Variants in MAGEL2 observed in about 807,000 individuals in gnomAD.
MAGEL2 encodes MAGE-like protein 2.
For synonymous variants in MAGEL2, 792 were observed against 721.7 expected, an observed-to-expected ratio of 1.10 and a Z score of -1.56; for missense variants, 1,830 against 1,699.2, an observed-to-expected ratio of 1.08 and a Z score of -1.35.
In MAGEL2 at chr15:23,647,006, C is replaced by A; in HGVS notation, c.737G>T (p.Gly246Val). The part of the protein sequence containing the change: ...GVLMAQPLTP[G>V]VLMVQPAAPG... Reference sequence around the variant, plus strand: ...AGCAGCAGGCTGGACCATCAGGACTCCCGGAGTCAGAGGCTGGGCCATCAG... The same window carrying A: ...AGCAGCAGGCTGGACCATCAGGACTACCGGAGTCAGAGGCTGGGCCATCAG... Residue 246 changes from glycine to valine, a missense_variant, in exon 1 of 1, where the codon GGA becomes GTA. Transcript: ENST00000650528. The A allele has an allele frequency of 1.3e-6, 2 of 1,536,774 alleles. No individual in the cohort carries two copies. Among genetic ancestry groups the A allele is most frequent in the South Asian group, 1.2e-5 (1 of 84,036 alleles).
rs1340038294 is a variant in MAGEL2, at chr15:23,645,161, G to A, written c.2582C>T (p.Ala861Val). ...TTGAGTGGTGGCAGTTGCCTGGGGGGCAGCTGCTGTAGCCATCAGGAAGGT... is the reference window on the plus strand; with the variant it reads ...TTGAGTGGTGGCAGTTGCCTGGGGGACAGCTGCTGTAGCCATCAGGAAGGT... ...VPTFLMATAAAPQATATTQEA... is the reference protein window; with the variant it reads ...VPTFLMATAAVPQATATTQEA... Residue 861 changes from alanine (A) to valine (V), a missense_variant, in exon 1 of 1, where the codon GCC becomes GTC. By Grantham distance (64) the Ala-to-Val change is moderately conservative. Transcript: ENST00000650528. 1.7e-5 allele frequency: 28 copies of A among 1,613,710 alleles called. No individual in the cohort carries two copies. Among genetic ancestry groups the A allele is most frequent in the Admixed American group, 6.7e-5 (4 of 60,014 alleles).
Position 23,647,767 on chromosome 15 carries a change from T to C in MAGEL2, c.-25A>G, listed in dbSNP as rs1002437939. 7.0e-7 allele frequency: 1 copy of C among 1,435,612 alleles called. No individual in the cohort carries two copies. The highest frequency in any genetic ancestry group is 1.5e-5 in the South Asian group (1 of 66,674). 88.9% of individuals were successfully genotyped at this position (1,435,612 alleles called of 1,614,324 possible). On this transcript the variant is annotated 5_prime_UTR_variant, in exon 1 of 1. Transcript: ENST00000650528. ...TGTCCCTTTGCTGACAGCTGGTGGG[T>C]CTTTTCCTCGGACAGCTGCTGGGCC...
chr15:23,645,404 G>A lies in MAGEL2; in HGVS notation c.2339C>T (p.Pro780Leu), dbSNP rs747205153. 8.1e-6 allele frequency: 13 copies of A among 1,613,904 alleles called. No homozygotes were observed. The highest frequency in any genetic ancestry group is 4.4e-5 in the South Asian group (4 of 91,092). ...ACTTGAGGAGGGAGCAAAGGTCTCC[G>A]GTGTGGCAGGCAGGTTTTTCCAGGC... Reference protein sequence around the residue: ...PAAWKNLPATPETFAPSSSVF... With the variant: ...PAAWKNLPATLETFAPSSSVF... Residue 780 changes from proline (P) to leucine (L), a missense_variant, in exon 1 of 1, where the codon CCG (proline) becomes CTG (leucine). By Grantham distance (98) the Pro-to-Leu change is moderately conservative. Coordinates refer to ENST00000650528, the MANE Select transcript of MAGEL2 (RefSeq NM_019066.5).
At position 23,645,900 on chromosome 15, in the gene MAGEL2, G is replaced by A; in HGVS notation, c.1843C>T (p.Leu615=). ...GGGGCCTTCTGGGCCTGCCAGGCCA[G>A]CGCCTGTGTCTGCTGCACCTCCTGG... ...EFQEVQQTQA[L]AWQAQKAPTH... Residue 615 remains leucine, a synonymous_variant, in exon 1 of 1, where the codon CTG becomes TTG. Transcript: ENST00000650528. 1.3e-6 allele frequency: 2 copies of A among 1,574,140 alleles called. No homozygotes were observed. Among genetic ancestry groups the A allele is most frequent in the Non-Finnish European group, 1.7e-6 (2 of 1,159,786 alleles).
At position 23,647,480 on chromosome 15, in the gene MAGEL2, G is replaced by A. The variant is rs780815292; in HGVS notation, c.263C>T (p.Pro88Leu). Residue 88 changes from proline (P) to leucine (L), a missense_variant, in exon 1 of 1, where the codon CCG becomes CTG. Pro to Leu is a moderately conservative substitution (Grantham distance 98). Transcript: ENST00000650528. Reference sequence around the variant, plus strand: ...CCCCAGCGGGGGAGCCGGGACTATCGGGCCCCCTAGGGCAGGAGGCTGGGT... The same window carrying A: ...CCCCAGCGGGGGAGCCGGGACTATCAGGCCCCCTAGGGCAGGAGGCTGGGT... ...PMTQPPALGG[P>L]IVPAPPLGGP... 298 of 1,531,370 alleles carry A rather than the reference G, an allele frequency of 1.9e-4. No homozygotes were observed. The highest frequency in any genetic ancestry group is 2.4e-4 in the Non-Finnish European group (278 of 1,144,648). The allele number at this position is 1,531,370 out of a possible 1,614,324, so 94.9% of individuals were successfully genotyped here. A position where few individuals can be genotyped will look rare whatever the true frequency, so the allele number is the denominator to read the frequency against.
In MAGEL2 at chr15:23,645,339, T is replaced by C. The variant is rs749788986; in HGVS notation, c.2404A>G (p.Asn802Asp). 5 of 1,613,946 alleles carry C rather than the reference T, an allele frequency of 3.1e-6. No homozygotes were observed. The African/African-American group carries it at 6.7e-5, about 22-fold the overall frequency. Residue 802 changes from asparagine (N) to aspartate (D), a missense_variant, in exon 1 of 1, where the codon AAT (asparagine) becomes GAT (aspartate). Coordinates refer to ENST00000650528, the MANE Select transcript of MAGEL2 (RefSeq NM_019066.5). Reference sequence around the variant, plus strand: ...GCAGCAGAGGGGCCTTTAAAGGCATTCAGAGAGGCAGGCTGAAACTGGGAG... The same window carrying C: ...GCAGCAGAGGGGCCTTTAAAGGCATCCAGAGAGGCAGGCTGAAACTGGGAG... ...ATSQFQPASL[N>D]AFKGPSAASE...
Position 23,645,536 on chromosome 15 carries a change from C to T in MAGEL2, c.2207G>A (p.Arg736Lys), listed in dbSNP as rs1253546558. Reference protein sequence around the residue: ...IDRRGSSKERRTSSKERRAPS... With the variant: ...IDRRGSSKERKTSSKERRAPS... Reference sequence around the variant, plus strand: ...GGCCCTGCGCTCCTTCGAGGAGGTCCTGCGCTCTTTAGAGGAGCCCCTGCG... The same window carrying T: ...GGCCCTGCGCTCCTTCGAGGAGGTCTTGCGCTCTTTAGAGGAGCCCCTGCG... The change falls in exon 1 of 1, where the codon AGG becomes AAG. Residue 736 changes from arginine (R) to lysine (K), a missense_variant. Arg to Lys is a conservative substitution (Grantham distance 26). Coordinates refer to ENST00000650528, the MANE Select transcript of MAGEL2 (RefSeq NM_019066.5). 2 of 1,613,746 alleles carry T rather than the reference C, an allele frequency of 1.2e-6. No homozygotes were observed. The highest frequency in any genetic ancestry group is 1.7e-6 in the Non-Finnish European group (2 of 1,179,784).
rs749451613 is a variant in MAGEL2, at chr15:23,644,805, C to A, written c.2938G>T (p.Gly980Cys). 1.2e-6 allele frequency: 2 copies of A among 1,613,212 alleles called. No homozygotes were observed. Among genetic ancestry groups the A allele is most frequent in the Non-Finnish European group, 1.7e-6 (2 of 1,179,788 alleles). The change falls in exon 1 of 1, where the codon GGT becomes TGT. Residue 980 changes from glycine (G) to cysteine (C), a missense_variant. Gly to Cys is a radical substitution (Grantham distance 159, BLOSUM62 -3). Coordinates refer to ENST00000650528, the MANE Select transcript of MAGEL2 (RefSeq NM_019066.5). The part of the protein sequence containing the change: ...WEGPSTSRAL[G>C]LSESPGSSLP... ...GAGCTCCCTGGGCTTTCAGAGAGACCCAGGGCCCTGGAGGTGCTCGGGCCC... is the reference window on the plus strand; with the variant it reads ...GAGCTCCCTGGGCTTTCAGAGAGACACAGGGCCCTGGAGGTGCTCGGGCCC...
At position 23,645,672 on chromosome 15, in the gene MAGEL2, C is replaced by T. The variant is rs1290951496; in HGVS notation, c.2071G>A (p.Ala691Thr). 2 of 1,564,236 alleles carry T rather than the reference C, an allele frequency of 1.3e-6. No individual in the cohort carries two copies. The highest frequency in any genetic ancestry group is 2.4e-5 in the South Asian group (2 of 81,778). The stretch of plus-strand genomic sequence containing the variant: ...GGTCCGGGCTGGGCCTGCAAGACTG[C>T]AGGCGGTGCCTGCCAGGAAGGCTGG... ...PLQPSWQAPP[A>T]VLQAQPGPPV... The change falls in exon 1 of 1, where the codon GCA becomes ACA. Residue 691 changes from alanine to threonine, a missense_variant. Ala to Thr is a moderately conservative substitution (Grantham distance 58). Transcript: ENST00000650528.
rs1005878551 is a variant in MAGEL2, at chr15:23,645,719, G to A, written c.2024C>T (p.Ala675Val). Residue 675 changes from alanine (A) to valine (V), a missense_variant, in exon 1 of 1, where the codon GCG becomes GTG. Coordinates refer to ENST00000650528, the MANE Select transcript of MAGEL2 (RefSeq NM_019066.5). ...CTGGAGCGGCAGTGTGGGCACCTCC[G>A]CTTGCGGACCCGATGCCTGGGCCTG... ...PQQAQASGPQ[A>V]EVPTLPLQPS... 3 of 1,562,216 alleles carry A rather than the reference G, an allele frequency of 1.9e-6. No individual in the cohort carries two copies. Among genetic ancestry groups the A allele is most frequent in the Non-Finnish European group, 8.6e-7 (1 of 1,156,226 alleles).
chr15:23,645,038 G>C lies in MAGEL2; in HGVS notation c.2705C>G (p.Thr902Arg), dbSNP rs373945272. Residue 902 changes from threonine (T) to arginine (R), a missense_variant, in exon 1 of 1, where the codon ACG (threonine) becomes AGG (arginine). Physicochemically the swap from Thr to Arg is moderately conservative, Grantham distance 71. Coordinates refer to ENST00000650528, the MANE Select transcript of MAGEL2 (RefSeq NM_019066.5). The stretch of plus-strand genomic sequence containing the variant: ...GCCCTGCCAGTCATGAAAGGCTAGC[G>C]TGTGGCCACGGCTGTCCTCTTGGGC... ...LEAQEDSRGHTLAFHDWQGPR... is the reference protein window; with the variant it reads ...LEAQEDSRGHRLAFHDWQGPR... 7 of 1,613,850 alleles carry C rather than the reference G, an allele frequency of 4.3e-6. No homozygotes were observed. The highest frequency in any genetic ancestry group is 1.3e-5 in the African/African-American group (1 of 74,952).
rs1595333580 is a variant in MAGEL2, at chr15:23,646,908, C to T, written c.835G>A (p.Ala279Thr). 3 of 1,537,044 alleles carry T rather than the reference C, an allele frequency of 2.0e-6. No individual in the cohort carries two copies. The highest frequency in any genetic ancestry group is 1.7e-4 in the Middle Eastern group (1 of 5,990). ...TQPQPSGAPM[A>T]KPPGPGVLMI... ...AGGACTCCTGGACCTGGAGGCTTGGCCATCGGTGCTCCTGAAGGCTGAGGC... is the reference window on the plus strand; with the variant it reads ...AGGACTCCTGGACCTGGAGGCTTGGTCATCGGTGCTCCTGAAGGCTGAGGC... The change falls in exon 1 of 1, where the codon GCC becomes ACC. Residue 279 changes from alanine to threonine, a missense_variant. Physicochemically the swap from Ala to Thr is moderately conservative, Grantham distance 58. Coordinates refer to ENST00000650528, the MANE Select transcript of MAGEL2 (RefSeq NM_019066.5). The surrounding 1 kb of genome is among the most constrained non-coding windows in gnomAD (Gnocchi z 4.2).
chr15:23,645,634 C>T lies in MAGEL2; in HGVS notation c.2109G>A (p.Ala703=), dbSNP rs1267408692. Residue 703 remains alanine (A), a synonymous_variant, in exon 1 of 1, where the codon GCG becomes GCA. Transcript: ENST00000650528. ...TAGCGGAGCCCAGGGGAAAATTTGC[C>T]GCTGCTACCGGGGGTCCGGGCTGGG... ...LQAQPGPPVA[A]ANFPLGSAKS... The T allele has an allele frequency of 6.3e-7, 1 of 1,587,766 alleles. No homozygotes were observed. Among genetic ancestry groups the T allele is most frequent in the East Asian group, 2.2e-5 (1 of 44,494 alleles).
rs201935129 is a variant in MAGEL2, at chr15:23,645,752, G to A, written c.1991C>T (p.Pro664Leu). The A allele has an allele frequency of 4.9e-5, 77 of 1,575,992 alleles. No homozygotes were observed. The African/African-American group carries it at 8.1e-4, about 17-fold the overall frequency. Residue 664 changes from proline to leucine, a missense_variant, in exon 1 of 1, where the codon CCC (proline) becomes CTC (leucine). Pro to Leu is a moderately conservative substitution (Grantham distance 98). Transcript: ENST00000650528. Reference sequence around the variant, plus strand: ...ACCCGATGCCTGGGCCTGCTGGGGGGGTAGCTGGATTTGCACGGCTTTTTG... The same window carrying A: ...ACCCGATGCCTGGGCCTGCTGGGGGAGTAGCTGGATTTGCACGGCTTTTTG... ...PSQKAVQIQLPPQQAQASGPQ... is the reference protein window; with the variant it reads ...PSQKAVQIQLLPQQAQASGPQ...
Position 23,646,682 on chromosome 15 carries a change from C to T in MAGEL2, c.1061G>A (p.Gly354Asp). ...TAGCTGCGCTGGGGGTGCCTGCGGG[C>T]CCTGGGGAACCTGCGGAGGAGCCCT... is the stretch of plus-strand genomic sequence containing the variant. ...VIRAPPQVPQ[G>D]PQAPPAQLAT... Residue 354 changes from glycine (G) to aspartate (D), a missense_variant, in exon 1 of 1, where the codon GGC becomes GAC. Coordinates refer to ENST00000650528, the MANE Select transcript of MAGEL2 (RefSeq NM_019066.5). This position sits in a 1 kb window ranked among gnomAD's most constrained non-coding sequence, Gnocchi z 4.2. 1 of 1,517,176 alleles carries T rather than the reference C, an allele frequency of 6.6e-7. No homozygotes were observed. 94.0% of individuals were successfully genotyped at this position (1,517,176 alleles called of 1,614,324 possible). A position where few individuals can be genotyped will look rare whatever the true frequency, so the allele number is the denominator to read the frequency against.
At position 23,646,028 on chromosome 15, in the gene MAGEL2, G is replaced by A. The variant is rs1064797195; in HGVS notation, c.1715C>T (p.Ala572Val). 2 of 1,544,764 alleles carry A rather than the reference G, an allele frequency of 1.3e-6. No individual in the cohort carries two copies. Among genetic ancestry groups the A allele is most frequent in the Non-Finnish European group, 8.7e-7 (1 of 1,145,262 alleles). The change falls in exon 1 of 1, where the codon GCC becomes GTC. Residue 572 changes from alanine (A) to valine (V), a missense_variant. By Grantham distance (64) the Ala-to-Val change is moderately conservative. Coordinates refer to ENST00000650528, the MANE Select transcript of MAGEL2 (RefSeq NM_019066.5). The surrounding 1 kb of genome is among the most constrained non-coding windows in gnomAD (Gnocchi z 4.2). ...CACAGCCTGCGGGGCAGACAGTGGGGCAGACAGCGGGGCCGGCAGCACAGG... is the reference window on the plus strand; with the variant it reads ...CACAGCCTGCGGGGCAGACAGTGGGACAGACAGCGGGGCCGGCAGCACAGG... ...PQPVLPAPLSAPLSAPQAVHC... is the reference protein window; with the variant it reads ...PQPVLPAPLSVPLSAPQAVHC...
At position 23,645,824 on chromosome 15, in the gene MAGEL2, G is replaced by T; in HGVS notation, c.1919C>A (p.Pro640His). 6.3e-7 allele frequency: 1 copy of T among 1,587,460 alleles called. No individual in the cohort carries two copies. The highest frequency in any genetic ancestry group is 2.3e-5 in the East Asian group (1 of 43,642). Residue 640 changes from proline to histidine, a missense_variant, in exon 1 of 1, where the codon CCC becomes CAC. Physicochemically the swap from Pro to His is moderately conservative, Grantham distance 77. Transcript: ENST00000650528. ...LPAQEAQRQAPPLVQLEQPFQ... is the reference protein window; with the variant it reads ...LPAQEAQRQAHPLVQLEQPFQ... ...GGGCTGCTCCAGCTGGACCAAGGGG[G>T]GAGCCTGCCTCTGGGCCTCCTGGGC...
Position 23,645,550 on chromosome 15 carries a change from G to A in MAGEL2, c.2193C>T (p.Ser731=). 6.2e-7 allele frequency: 1 copy of A among 1,613,494 alleles called. No homozygotes were observed. The highest frequency in any genetic ancestry group is 8.5e-7 in the Non-Finnish European group (1 of 1,179,654). The part of the protein sequence containing the change: ...CRASSIDRRG[S]SKERRTSSKE... ...TCGAGGAGGTCCTGCGCTCTTTAGAGGAGCCCCTGCGGTCTATAGAAGAGG... is the reference window on the plus strand; with the variant it reads ...TCGAGGAGGTCCTGCGCTCTTTAGAAGAGCCCCTGCGGTCTATAGAAGAGG... The change falls in exon 1 of 1, where the codon TCC becomes TCT. Residue 731 remains serine (S), a synonymous_variant. Coordinates refer to ENST00000650528, the MANE Select transcript of MAGEL2 (RefSeq NM_019066.5).
rs373124407 is a variant in MAGEL2, at chr15:23,645,342, G to T, written c.2401C>A (p.Leu801Met). Residue 801 changes from leucine to methionine, a missense_variant, in exon 1 of 1, where the codon CTG (leucine) becomes ATG (methionine). Leu to Met is a conservative substitution (Grantham distance 15). Coordinates refer to ENST00000650528, the MANE Select transcript of MAGEL2 (RefSeq NM_019066.5). Reference sequence around the variant, plus strand: ...GCAGAGGGGCCTTTAAAGGCATTCAGAGAGGCAGGCTGAAACTGGGAGGTA... The same window carrying T: ...GCAGAGGGGCCTTTAAAGGCATTCATAGAGGCAGGCTGAAACTGGGAGGTA... Reference protein sequence around the residue: ...PATSQFQPASLNAFKGPSAAS... With the variant: ...PATSQFQPASMNAFKGPSAAS... 34 of 1,613,898 alleles carry T rather than the reference G, an allele frequency of 2.1e-5. No individual in the cohort carries two copies. The highest frequency in any genetic ancestry group is 2.7e-5 in the Non-Finnish European group (32 of 1,179,904).
Sources: gnomAD v4.1 joint callset for allele counts on GRCh38, gnomAD v4.1.1 for gene constraint, Gnocchi (gnomAD v3.1) non-coding constraint, MANE v1.5 for transcripts, NCBI Gene and HGNC (gene_info 2026-07-23, HGNC 2026-07-21) for gene names.